Variants in NCAM2 observed in about 807,000 individuals in gnomAD.
The protein encoded by NCAM2 is neural cell adhesion molecule 2.
In NCAM2, 30 loss-of-function variants were observed where a neutral mutation model predicts 98.1. The observed-to-expected ratio is 0.31, with a 90% confidence interval of 0.23 to 0.41. The LOEUF (loss-of-function observed/expected upper bound fraction) is 0.41. Ranked by LOEUF, NCAM2 falls within the 10% of genes least tolerant of loss-of-function variation. NCAM2 has a pLI of 1.00. For synonymous variants in NCAM2, 368 were observed against 342.4 expected, an observed-to-expected ratio of 1.07 and a Z score of -0.83; for missense variants, 867 against 1,005.8, an observed-to-expected ratio of 0.86 and a Z score of 1.87.
At chr21:21,015,655 C>G (rs1170827366) in intron 1 of NCAM2, among the ~76,000 whole-genome samples, 1 of 152,124 alleles carries the variant, frequency 6.6e-6, no homozygotes, top group African/African-American at 2.4e-5. Flanking sequence ...TGGACTCAAA[C>G]TGGCGATATC....
chr21:21,034,873 A>C (rs142490366), intron 1 of NCAM2, among the ~76,000 whole-genome samples: 243 of 152,188 alleles, frequency 1.6e-3, no homozygotes, highest in Non-Finnish European at 2.4e-3. Flanking sequence ...AGAAACAGTG[A>C]TTTACCATAT....
chr21:21,054,135 A>G (rs2065166709), intron 1 of NCAM2, among the ~76,000 whole-genome samples: 1 of 151,974 alleles, frequency 6.6e-6, no homozygotes, highest in Non-Finnish European at 1.5e-5. Context: ...ATTATAAACT[A>G]TAAATTGTGC....
In NCAM2 at chr21:21,048,706, C is replaced by T. The variant is rs149813862; in HGVS notation, c.55+50088C>T. Among the ~76,000 whole-genome samples, 75 of 152,270 alleles carry T rather than the reference C, an allele frequency of 4.9e-4. No homozygotes were observed. In the East Asian group the frequency reaches 0.012, roughly 25 times the overall value. ...GTCTCATGCCTCCCTAAAATATATA[C>T]AACCAAGCTGTACTCCAACCACCTG... On this transcript the variant is annotated intron_variant, in intron 1 of 17. Coordinates refer to ENST00000400546, the MANE Select transcript of NCAM2 (RefSeq NM_004540.5).
At chr21:21,000,402 T>C (rs750857291) in intron 1 of NCAM2, among the ~76,000 whole-genome samples, 3 of 152,214 alleles carry the variant, frequency 2.0e-5, no homozygotes, top group Non-Finnish European at 2.9e-5. Context: ...GAATTTATCA[T>C]TGTAGAGGCT....
rs1988173966 is a variant in NCAM2 at position 21,508,862 on chromosome 21, A to G, written c.2089A>G (p.Asn697Asp). 1 of 695,234 alleles carries G rather than the reference A, an allele frequency of 1.4e-6. No homozygotes were observed. Among genetic ancestry groups the G allele is most frequent in the Middle Eastern group, 3.5e-4 (1 of 2,872 alleles). 43.1% of individuals were successfully genotyped at this position (695,234 alleles called of 1,614,324 possible). The change falls in exon 16 of 18, where the codon AAT becomes GAT. Residue 697 changes from asparagine to aspartate, a missense_variant. Asn to Asp is a conservative substitution (Grantham distance 23). Coordinates refer to ENST00000400546, the MANE Select transcript of NCAM2 (RefSeq NM_004540.5). ...KPNIIKDTLFNGLGLGAVIGL... is the reference protein window; with the variant it reads ...KPNIIKDTLFDGLGLGAVIGL... ...TTTTACTTTTTAAGACACGCTGTTT[A>G]ATGGTCTTGGGCTTGGAGCAGTAAT...
Position 21,410,363 on chromosome 21 carries a change from C to G in NCAM2, c.1285C>G (p.Pro429Ala), listed in dbSNP as rs2076830684. ...NISCDVKSNP[P>A]ASIHWRRDKL... ...AAGTTGTGATGTGAAATCGAATCCA[C>G]CAGCATCAATTCACTGGAGAAGAGA... The change falls in exon 10 of 18, where the codon CCA becomes GCA. Residue 429 changes from proline to alanine, a missense_variant. Transcript: ENST00000400546. 1.2e-6 allele frequency: 2 copies of G among 1,601,228 alleles called. No homozygotes were observed. Among genetic ancestry groups the G allele is most frequent in the Non-Finnish European group, 1.7e-6 (2 of 1,172,366 alleles).
chr21:21,490,640 A>G (rs1986772275), intron 15 of NCAM2, among the ~76,000 whole-genome samples: 1 of 151,890 alleles, frequency 6.6e-6, no homozygotes, highest in South Asian at 2.1e-4. Context: ...TTTCCTAAAA[A>G]GCAAGCAATT....
intron 1 of NCAM2, among the ~76,000 whole-genome samples, chr21:21,205,659 C>A (rs1331965093): frequency 6.6e-6 from 1 of 151,956 alleles, no homozygotes; most frequent in African/African-American, 2.4e-5. Context: ...AAACTTTAAA[C>A]TTTCAAGAAA....
At chr21:21,265,256 C>CGT (rs1334236565) in intron 1 of NCAM2, among the ~76,000 whole-genome samples, 2 of 121,334 alleles carry the variant, frequency 1.6e-5, no homozygotes, top group East Asian at 4.8e-4. Context: ...TGTATATATA[C>CGT]GTATATACAC....
intron 11 of NCAM2, among the ~76,000 whole-genome samples, chr21:21,420,091 A>G (rs1002267643): frequency 6.6e-6 from 1 of 152,172 alleles, no homozygotes; most frequent in African/African-American, 2.4e-5. Context: ...AAAAAATTAA[A>G]AAGCAAAACA....
At chr21:21,463,855 A>ATT (rs66482036) in intron 12 of NCAM2, 77,200 of 150,880 alleles carry the variant, frequency 0.51, 20,482 homozygotes, top group Non-Finnish European at 0.55. Context: ...TCTGCACTTG[A>ATT]TTTTTTTTTG....
intron 1 of NCAM2, among the ~76,000 whole-genome samples, chr21:21,152,475 T>C (rs2067476156): frequency 6.6e-6 from 1 of 151,970 alleles, no homozygotes; most frequent in Non-Finnish European, 1.5e-5. Flanking sequence ...TATCATATTG[T>C]TGAGTTTCTA....
intron 16 of NCAM2, among the ~76,000 whole-genome samples, chr21:21,525,479 C>A (rs9982803): frequency 1.0e-3 from 159 of 152,230 alleles, no homozygotes; most frequent in African/African-American, 3.6e-3. Flanking sequence ...AAGAAGCAAT[C>A]TGAACAGACC....
At chr21:21,160,311 T>C (rs1034403246) in intron 1 of NCAM2, among the ~76,000 whole-genome samples, 1 of 151,894 alleles carries the variant, frequency 6.6e-6, no homozygotes, top group African/African-American at 2.4e-5. Context: ...TATAATTATC[T>C]ATATACTTCT....
chr21:21,217,444 C>T (rs1204407296), intron 1 of NCAM2, among the ~76,000 whole-genome samples: 1 of 152,004 alleles, frequency 6.6e-6, no homozygotes, highest in Non-Finnish European at 1.5e-5. Flanking sequence ...CTCAGATTTA[C>T]TTAATTATGT....
Position 21,257,033 on chromosome 21 carries a change from A to G in NCAM2, c.56-23545A>G, listed in dbSNP as rs79397552. On this transcript the variant is annotated intron_variant, in intron 1 of 17. Coordinates refer to ENST00000400546, the MANE Select transcript of NCAM2 (RefSeq NM_004540.5). ...ATCTTTTTAATCAAGCTGCTAAAGT[A>G]CAATGGATCTCTGCAGTGATTTAGG... Among the ~76,000 whole-genome samples the G allele has an allele frequency of 7.1e-3, 1,079 of 152,340 alleles. 19 individuals carry two copies. Among genetic ancestry groups the G allele is most frequent in the African/African-American group, 0.025 (1,040 of 41,588 alleles).
In NCAM2 at chr21:21,431,472, A is replaced by T. The variant is rs188880852; in HGVS notation, c.1481-636A>T. Reference sequence around the variant, plus strand: ...TGGATGGATTAAAATAAAACACACAAGAAGAATTTTATAGCTATTTTGAAA... The same window carrying T: ...TGGATGGATTAAAATAAAACACACATGAAGAATTTTATAGCTATTTTGAAA... On this transcript the variant is annotated intron_variant, in intron 11 of 17. Transcript: ENST00000400546. Among the ~76,000 whole-genome samples the T allele has an allele frequency of 7.9e-5, 12 of 152,240 alleles. No homozygotes were observed. In the East Asian group the frequency reaches 2.3e-3, roughly 29 times the overall value.
intron 1 of NCAM2, among the ~76,000 whole-genome samples, chr21:21,030,862 G>A (rs2064667563): frequency 6.6e-6 from 1 of 151,968 alleles, no homozygotes; most frequent in Admixed American, 6.6e-5. Context: ...AAAATATAAA[G>A]GACTTTAAAA....
In NCAM2 at chr21:21,246,308, C is replaced by T. The variant is rs1601752681; in HGVS notation, c.56-34270C>T. Among the ~76,000 whole-genome samples the T allele has an allele frequency of 2.6e-5, 4 of 152,058 alleles. No homozygotes were observed. In the South Asian group the frequency reaches 8.3e-4, roughly 32 times the overall value. On this transcript the variant is annotated intron_variant, in intron 1 of 17. Transcript: ENST00000400546. ...CCTAGCCAAAACCACTCAGCTAAGCCACTCCTGAGTTCTCGATCTCGGTAA... is the reference window on the plus strand; with the variant it reads ...CCTAGCCAAAACCACTCAGCTAAGCTACTCCTGAGTTCTCGATCTCGGTAA...
Sources: allele counts gnomAD v4.1 joint callset (sites outside exome capture counted in the v4.1 genomes callset), GRCh38; gene constraint gnomAD v4.1.1; transcripts MANE v1.5; gene names NCBI Gene and HGNC (gene_info 2026-07-23, HGNC 2026-07-21).